Variants in KCNMA1 observed in about 807,000 individuals in gnomAD.
KCNMA1 encodes potassium calcium-activated channel subfamily M alpha 1.
A neutral mutation model predicts 140.0 loss-of-function variants in KCNMA1; 29 were observed. That is an observed-to-expected ratio of 0.21 (90% confidence interval 0.15 to 0.28). The LOEUF (loss-of-function observed/expected upper bound fraction) is 0.28. Ranked by LOEUF, KCNMA1 falls within the 10% of genes least tolerant of loss-of-function variation. KCNMA1 has a pLI of 1.00. For synonymous variants in KCNMA1, 612 were observed against 611.9 expected, an observed-to-expected ratio of 1.00 and a Z score of 0.00; for missense variants, 880 against 1,602.2, an observed-to-expected ratio of 0.55 and a Z score of 7.70.
intron 2 of KCNMA1, among the ~76,000 whole-genome samples, chr10:77,292,122 T>TATC (rs1295174920): frequency 3.8e-4 from 58 of 152,180 alleles, no homozygotes; most frequent in African/African-American, 1.3e-3. Context: ...GAAAGAGGGT[T>TATC]ATTTCCAGAG....
chr10:77,248,254 G>A (rs2058991769), intron 3 of KCNMA1, among the ~76,000 whole-genome samples: 1 of 152,140 alleles, frequency 6.6e-6, no homozygotes, highest in South Asian at 2.1e-4. Context: ...GCAGACCTAG[G>A]GAGCCTGTTT....
At chr10:77,077,682 A>G (rs2096441182) in intron 13 of KCNMA1, among the ~76,000 whole-genome samples, 1 of 152,214 alleles carries the variant, frequency 6.6e-6, no homozygotes, top group Admixed American at 6.5e-5. Context: ...AAGCACTCCC[A>G]CACTAAATGA....
chr10:77,395,224 C>A (rs1327519300), intron 2 of KCNMA1, among the ~76,000 whole-genome samples: 1 of 151,962 alleles, frequency 6.6e-6, no homozygotes, highest in African/African-American at 2.4e-5. Context: ...GTGGCCTGCA[C>A]CTGTAATCCC....
intron 1 of KCNMA1, among the ~76,000 whole-genome samples, chr10:77,434,506 G>A (rs137893801): frequency 3.4e-3 from 512 of 152,262 alleles, no homozygotes; most frequent in Non-Finnish European, 6.0e-3. Flanking sequence ...TCCCCTATTA[G>A]CGTGATGCAT....
At chr10:77,037,651 A>G (rs1198855675) in intron 15 of KCNMA1, among the ~76,000 whole-genome samples, 2 of 152,170 alleles carry the variant, frequency 1.3e-5, no homozygotes, top group Non-Finnish European at 2.9e-5. Context: ...GGGAAACCCT[A>G]CAGCCAAGGA....
intron 1 of KCNMA1, among the ~76,000 whole-genome samples, chr10:77,618,095 A>G (rs2090182963): frequency 6.6e-6 from 1 of 152,104 alleles, no homozygotes; most frequent in African/African-American, 2.4e-5. Context: ...CTCATCCCCT[A>G]TCATCCGGAC....
chr10:77,136,303 T>C (rs749900971), intron 5 of KCNMA1, among the ~76,000 whole-genome samples: 1 of 152,232 alleles, frequency 6.6e-6, no homozygotes, highest in Admixed American at 6.5e-5. Flanking sequence ...GGATATTATA[T>C]ATGCTCAAAG....
At chr10:77,357,527 T>G (rs145781146) in intron 2 of KCNMA1, among the ~76,000 whole-genome samples, 207 of 152,366 alleles carry the variant, frequency 1.4e-3, no homozygotes, top group Admixed American at 2.9e-3. Context: ...TCTTCCTGTA[T>G]TCCCCTGGTT....
chr10:76,947,414 A>C (rs2064424888), intron 22 of KCNMA1, among the ~76,000 whole-genome samples: 1 of 152,096 alleles, frequency 6.6e-6, no homozygotes, highest in Non-Finnish European at 1.5e-5. Flanking sequence ...CACAAAACAC[A>C]CACACAAATA....
In KCNMA1 at chr10:77,086,556, G is replaced by A. The variant is rs1328294721; in HGVS notation, c.1372C>T (p.Arg458Ter). ...TAAAATTCCACCTGAGTAAAATGTC[G>A]TTTGAACAGAGCTTCAAGCTCCAGG... is the stretch of plus-strand genomic sequence containing the variant. ...PNLELEALFK[R>*]HFTQVEFYQG... The change falls in exon 11 of 28, where the codon CGA becomes TGA. Residue 458 changes from arginine (R) to a stop codon, truncating the protein, a stop_gained. Transcript: ENST00000286628. LOFTEE classifies it high-confidence loss of function. The A allele has an allele frequency of 6.2e-7, 1 of 1,613,984 alleles. No individual in the cohort carries two copies. The highest frequency in any genetic ancestry group is 8.5e-7 in the Non-Finnish European group (1 of 1,179,884).
chr10:76,968,795 G>C (rs2074966325), intron 20 of KCNMA1, among the ~76,000 whole-genome samples: 1 of 152,162 alleles, frequency 6.6e-6, no homozygotes, highest in African/African-American at 2.4e-5. Context: ...AAAAGGAGTT[G>C]GGCAGGGTGA....
At chr10:77,072,174 A>AT (rs1178074987) in intron 14 of KCNMA1, among the ~76,000 whole-genome samples, 1 of 152,190 alleles carries the variant, frequency 6.6e-6, no homozygotes, top group African/African-American at 2.4e-5. Context: ...CTCCTTACAT[A>AT]GTAAGAGGCA....
chr10:77,376,768 T>G (rs1271053145), intron 2 of KCNMA1, among the ~76,000 whole-genome samples: 2 of 151,726 alleles, frequency 1.3e-5, no homozygotes, highest in Non-Finnish European at 2.9e-5. Flanking sequence ...TGAAACCCCA[T>G]CTCTACTAAA....
intron 17 of KCNMA1, chr10:77,012,276 C>T: frequency 1.4e-6 from 2 of 1,460,010 alleles, no homozygotes; most frequent in Admixed American, 2.8e-5. Flanking sequence ...CTTCCATTTA[C>T]AAAGAAACTG....
chr10:77,484,254 C>T (rs1262356844), intron 1 of KCNMA1, among the ~76,000 whole-genome samples: 4 of 152,240 alleles, frequency 2.6e-5, no homozygotes, highest in Non-Finnish European at 5.9e-5. Flanking sequence ...CCTCCATTCA[C>T]TTATCCCGTT....
chr10:77,554,457 C>CAT (rs1555445704), intron 1 of KCNMA1, among the ~76,000 whole-genome samples: 1 of 151,636 alleles, frequency 6.6e-6, no homozygotes, highest in African/African-American at 2.4e-5. Context: ...ATTAGCTGAG[C>CAT]GTGCTAGTGT....
intron 2 of KCNMA1, among the ~76,000 whole-genome samples, chr10:77,318,389 G>A (rs2081423889): frequency 2.0e-5 from 3 of 152,184 alleles, no homozygotes; most frequent in African/African-American, 4.8e-5. Flanking sequence ...ATCCATGTGT[G>A]TTGGATTCTG....
intron 1 of KCNMA1, among the ~76,000 whole-genome samples, chr10:77,575,944 T>C (rs2073934000): frequency 6.6e-6 from 1 of 152,228 alleles, no homozygotes. Context: ...AGGCTGATGC[T>C]ACTGGTCCAG....
At chr10:77,322,724 G>T (rs1301642113) in intron 2 of KCNMA1, among the ~76,000 whole-genome samples, 4 of 152,064 alleles carry the variant, frequency 2.6e-5, no homozygotes, top group African/African-American at 9.7e-5. Context: ...CTGGGAGCTG[G>T]CAGATAAACC....
Sources: gnomAD v4.1 joint callset for allele counts (sites outside exome capture counted in the v4.1 genomes callset) on GRCh38, gnomAD v4.1.1 for gene constraint, MANE v1.5 for transcripts, NCBI Gene and HGNC (gene_info 2026-07-23, HGNC 2026-07-21) for gene names.